The following ASTN1 variants were observed in gnomAD, a reference collection of about 807,000 sequenced individuals.
The protein encoded by ASTN1 is astrotactin-1.
In ASTN1, 41 loss-of-function variants were observed where a neutral mutation model predicts 140.7. That is an observed-to-expected ratio of 0.29 (90% confidence interval 0.23 to 0.38). ASTN1 has a LOEUF of 0.38. Among genes scored for constraint, ASTN1 ranks in the 10% least tolerant of loss-of-function variants. The pLI, the probability that ASTN1 is intolerant of heterozygous loss-of-function variation, is 1.00. For missense variants in ASTN1, 1,479 were observed against 1,678.8 expected, an observed-to-expected ratio of 0.88 and a Z score of 2.08; for synonymous variants, 640 against 652.2, an observed-to-expected ratio of 0.98 and a Z score of 0.29.
intron 1 of ASTN1, among the ~76,000 whole-genome samples, chr1:177,115,054 A>G (rs1681013373): frequency 6.6e-6 from 1 of 152,132 alleles, no homozygotes; most frequent in Non-Finnish European, 1.5e-5. Flanking sequence ...AGAAGGGGGT[A>G]GGGGACCAAG....
chr1:177,157,079 A>G (rs889527516), intron 1 of ASTN1, among the ~76,000 whole-genome samples: 7 of 152,212 alleles, frequency 4.6e-5, no homozygotes. Flanking sequence ...CCTGGGTGAG[A>G]TCCTGGAACA....
chr1:176,931,555 T>A (rs1406738169), intron 16 of ASTN1, among the ~76,000 whole-genome samples: 6 of 152,208 alleles, frequency 3.9e-5, no homozygotes, highest in Non-Finnish European at 8.8e-5. Context: ...AATGTTGGTA[T>A]GGCAAACCAC....
At chr1:176,940,411 T>A (rs1334985377) in intron 14 of ASTN1, among the ~76,000 whole-genome samples, 1 of 152,128 alleles carries the variant, frequency 6.6e-6, no homozygotes, top group African/African-American at 2.4e-5. Context: ...AACTTCCCTA[T>A]TTTTTTCCCA....
rs78247798 is a variant in ASTN1, at chr1:177,072,471, C to T, written c.284-11206G>A. Among the ~76,000 whole-genome samples, 844 of 152,256 alleles carry T rather than the reference C, an allele frequency of 5.5e-3. 5 individuals carry two copies. The highest frequency in any genetic ancestry group is 0.02 in the African/African-American group (815 of 41,556). On this transcript the variant is annotated intron_variant, in intron 1 of 22. Transcript: ENST00000361833. The stretch of plus-strand genomic sequence containing the variant: ...ATCACTGAAGGGGTTAAGATGACCT[C>T]TAAATGACCTGACAGGCATAGCTCC...
intron 8 of ASTN1, among the ~76,000 whole-genome samples, chr1:177,005,192 T>A (rs1335398732): frequency 1.3e-5 from 2 of 151,752 alleles, no homozygotes; most frequent in South Asian, 2.1e-4. Context: ...TTGACATATT[T>A]AAAAAAAATA....
chr1:176,936,425 T>A, intron 14 of ASTN1, 55 bp from the exon 15 acceptor site: 1 of 1,435,216 alleles, frequency 7.0e-7, no homozygotes. Context: ...AAGTTCCAAA[T>A]CAAAAAGCAT....
At chr1:176,957,479 A>T (rs1339516067) in intron 11 of ASTN1, among the ~76,000 whole-genome samples, 199 bp downstream of exon 11, 1 of 152,092 alleles carries the variant, frequency 6.6e-6, no homozygotes, top group Non-Finnish European at 1.5e-5. Flanking sequence ...CATAGTAGGT[A>T]CTCCATAACA....
chr1:176,958,269 C>A, intron 10 of ASTN1, 76 bp downstream of exon 10: 2 of 1,596,644 alleles, frequency 1.3e-6, no homozygotes, highest in East Asian at 2.2e-5. Context: ...CCTTCCCCAG[C>A]ACCTAAAACC....
At chr1:177,033,067 A>G (rs1227198604) in intron 2 of ASTN1, among the ~76,000 whole-genome samples, 1 of 151,854 alleles carries the variant, frequency 6.6e-6, no homozygotes, top group Non-Finnish European at 1.5e-5. Flanking sequence ...TGACCAGTGC[A>G]TCATTTCAAG....
At chr1:176,961,292 A>G (rs1159041541) in intron 9 of ASTN1, among the ~76,000 whole-genome samples, 2 of 152,210 alleles carry the variant, frequency 1.3e-5, no homozygotes, top group African/African-American at 2.4e-5. Context: ...GTGGAAATGA[A>G]TTTGATATTG....
chr1:177,076,682 T>C (rs76521051), intron 1 of ASTN1, among the ~76,000 whole-genome samples: 1 of 151,932 alleles, frequency 6.6e-6, no homozygotes, highest in African/African-American at 2.4e-5. Context: ...CCACGATGCC[T>C]AGCTAATTTT....
chr1:177,058,755 A>G (rs567248177), intron 2 of ASTN1, among the ~76,000 whole-genome samples: 107 of 152,160 alleles, frequency 7.0e-4, no homozygotes, highest in African/African-American at 2.5e-3. Context: ...TAAGTTCTTT[A>G]GTGGTGATTT....
downstream of ASTN1, chr1:176,861,001 C>G (rs1667942337): frequency 1.2e-6 from 1 of 847,246 alleles, no homozygotes. Context: ...AAAACCTTAA[C>G]AAGTTCCCTG....
intron 16 of ASTN1, among the ~76,000 whole-genome samples, chr1:176,901,588 A>C (rs78553813): frequency 0.016 from 2,376 of 152,264 alleles, 39 homozygotes; most frequent in Non-Finnish European, 0.021. Flanking sequence ...CCAGCAAAAA[A>C]GGCAGTGGCT....
At position 176,957,669 on chromosome 1, in the gene ASTN1, C is replaced by G. The variant is rs1444296234; in HGVS notation, c.1887+9G>C. ...AAACAGAAACTACTAGCTTGCAGGG[C>G]AGACCTACCACGCAACCAGTGGAGT... On this transcript the variant is annotated intron_variant, in intron 11 of 22. Transcript: ENST00000361833. The G allele has an allele frequency of 6.2e-7, 1 of 1,613,614 alleles. No homozygotes were observed. The highest frequency in any genetic ancestry group is 1.3e-5 in the African/African-American group (1 of 75,016).
chr1:177,004,628 T>C (rs1200288439), intron 8 of ASTN1, among the ~76,000 whole-genome samples: 2 of 152,012 alleles, frequency 1.3e-5, no homozygotes, highest in Non-Finnish European at 2.9e-5. Context: ...TAAAAGTAGA[T>C]ATACAGGCCA....
At position 177,061,202 on chromosome 1, in the gene ASTN1, C is replaced by T. The variant is rs1678067936; in HGVS notation, c.347G>A (p.Gly116Asp). Residue 116 changes from glycine to aspartate, a missense_variant, in exon 2 of 23, where the codon GGC (glycine) becomes GAC (aspartate). Gly to Asp is a moderately conservative substitution (Grantham distance 94, BLOSUM62 -1). Around this residue, in one of 3 missense-constraint regions of ASTN1, gnomAD observed 729 missense variants for 860.4 expected, o/e 0.85. Transcript: ENST00000361833. ...GTGATGAATGTGAAAAAGCAAAGTG[C>T]CATTCTCCAGCCACTGCTGCCTCCA... ...VRWRQQWLEN[G>D]TLLFHIHHQD... The T allele has an allele frequency of 6.2e-7, 1 of 1,608,772 alleles. No individual in the cohort carries two copies. Among genetic ancestry groups the T allele is most frequent in the African/African-American group, 1.3e-5 (1 of 74,826 alleles).
At chr1:176,902,974 A>C (rs1402675692) in intron 16 of ASTN1, among the ~76,000 whole-genome samples, 4 of 152,220 alleles carry the variant, frequency 2.6e-5, no homozygotes, top group Non-Finnish European at 5.9e-5. Flanking sequence ...CTAGACTGTT[A>C]GTTCCCAGTG....
intron 14 of ASTN1, among the ~76,000 whole-genome samples, chr1:176,943,453 T>C (rs1031039065): frequency 2.0e-5 from 3 of 152,140 alleles, no homozygotes; most frequent in Admixed American, 6.5e-5. Flanking sequence ...CCCAGGGTCA[T>C]GTGACAACAA....
Sources: gnomAD v4.1 joint callset for allele counts (sites outside exome capture counted in the v4.1 genomes callset) on GRCh38, gnomAD v4.1.1 for gene constraint, gnomAD v4.1.1 regional missense constraint, MANE v1.5 for transcripts, NCBI Gene and HGNC (gene_info 2026-07-23, HGNC 2026-07-21) for gene names.